Variants in ALDH1A2 observed in about 807,000 individuals in gnomAD.
ALDH1A2 encodes the protein retinal dehydrogenase 2.
Under a neutral mutation model 60.3 loss-of-function variants are expected in ALDH1A2, and 27 were observed. The ratio of observed to expected loss-of-function variants is 0.45; its 90% CI spans 0.33 to 0.62. The LOEUF is 0.62. Ranked by LOEUF, ALDH1A2 falls within the 20% of genes least tolerant of loss-of-function variation. The pLI, the probability that ALDH1A2 is intolerant of heterozygous loss-of-function variation, is 0.02. For synonymous variants in ALDH1A2, 289 were observed against 232.4 expected, an observed-to-expected ratio of 1.24 and a Z score of -2.21; for missense variants, 581 against 643.8, an observed-to-expected ratio of 0.90 and a Z score of 1.06.
At chr15:57,992,868 A>C in intron 6 of ALDH1A2, 50 bp from the exon 7 acceptor site, 1 of 1,613,804 alleles carries the variant, frequency 6.2e-7, no homozygotes, top group Non-Finnish European at 8.5e-7. Flanking sequence ...CTGATGCATC[A>C]TGTTAAATGA....
At chr15:58,044,859 A>C (rs1896599728) in intron 1 of ALDH1A2, among the ~76,000 whole-genome samples, 1 of 152,004 alleles carries the variant, frequency 6.6e-6, no homozygotes, top group Admixed American at 6.6e-5. Context: ...TGGCCAAGCT[A>C]ACTGATTTAG....
chr15:57,989,647 C>G (rs1029607576), intron 7 of ALDH1A2, among the ~76,000 whole-genome samples: 5 of 151,822 alleles, frequency 3.3e-5, no homozygotes, highest in Non-Finnish European at 7.4e-5. Context: ...ATTACTTTTG[C>G]TCCAACCTGT....
In ALDH1A2 at chr15:57,961,126, T is replaced by C. The variant is rs1893702962; in HGVS notation, c.1409+11A>G. 1 of 1,613,898 alleles carries C rather than the reference T, an allele frequency of 6.2e-7. No individual in the cohort carries two copies. The highest frequency in any genetic ancestry group is 8.5e-7 in the Non-Finnish European group (1 of 1,179,946). On this transcript the variant is annotated intron_variant, in intron 11 of 12. Coordinates refer to ENST00000249750, the MANE Select transcript of ALDH1A2 (RefSeq NM_003888.4). ...CAGTGGAATTTGTTACAAGACTGAC[T>C]CTGATCTTACCAAACAGTCCCAGCT...
At chr15:58,043,728 C>G (rs958151742) in intron 1 of ALDH1A2, among the ~76,000 whole-genome samples, 1 of 151,846 alleles carries the variant, frequency 6.6e-6, no homozygotes, top group East Asian at 1.9e-4. Context: ...TCCCTCCCTG[C>G]CAAAAAACGG....
intron 4 of ALDH1A2, among the ~76,000 whole-genome samples, chr15:58,005,978 G>T (rs1403276730): frequency 6.6e-6 from 1 of 151,694 alleles, no homozygotes; most frequent in Non-Finnish European, 1.5e-5. Flanking sequence ...AATAAGTACA[G>T]AGTGTTCTCA....
In ALDH1A2 at chr15:57,993,223, A is replaced by G. The variant is rs538863138; in HGVS notation, c.556-150T>C. On this transcript the variant is annotated intron_variant, in intron 5 of 12. Transcript: ENST00000249750. The stretch of plus-strand genomic sequence containing the variant: ...AGATGTTTGGATTTTCAATTACTTC[A>G]TTAAGAATAGAATAGCACTGACCTT... The G allele has an allele frequency of 3.6e-4, 355 of 992,518 alleles. 1 individual carries two copies. The Middle Eastern group carries it at 4.0e-3, about 11-fold the overall frequency. 61.5% of individuals were successfully genotyped at this position (992,518 alleles called of 1,614,324 possible).
rs1028187694 is a variant in ALDH1A2, at chr15:57,975,168, T to G, written c.799-9341A>C. 2.0e-5 allele frequency among the ~76,000 whole-genome samples: 3 copies of G among 152,218 alleles called. No individual in the cohort carries two copies. In the East Asian group the frequency reaches 5.8e-4, roughly 29 times the overall value. On this transcript the variant is annotated intron_variant, in intron 7 of 12. Coordinates refer to ENST00000249750, the MANE Select transcript of ALDH1A2 (RefSeq NM_003888.4). The stretch of plus-strand genomic sequence containing the variant: ...AAAACAGTTTGGCAGTTTCCTGCCC[T>G]ACCACACAATCCAGCCATTCCATTC...
At chr15:57,997,115 T>C (rs1252505743) in intron 4 of ALDH1A2, among the ~76,000 whole-genome samples, 1 of 152,058 alleles carries the variant, frequency 6.6e-6, no homozygotes, top group Non-Finnish European at 1.5e-5. Context: ...GAAATTAATT[T>C]AAAATATCTA....
intron 1 of ALDH1A2, 181 bp downstream of exon 1, chr15:58,065,353 C>T: frequency 1.5e-6 from 1 of 685,482 alleles, no homozygotes; most frequent in South Asian, 1.5e-5. Flanking sequence ...CAGACCACGG[C>T]GGGGCTTCAA....
chr15:58,010,058 T>C (rs560789103), intron 4 of ALDH1A2, among the ~76,000 whole-genome samples: 1 of 152,296 alleles, frequency 6.6e-6, no homozygotes, highest in Admixed American at 6.5e-5. Flanking sequence ...TTTTTTGTAT[T>C]GTTGATTCTG....
At chr15:58,023,400 T>C (rs74522619) in intron 1 of ALDH1A2, among the ~76,000 whole-genome samples, 14,972 of 152,194 alleles carry the variant, frequency 0.098, 802 homozygotes, top group Middle Eastern at 0.14. Flanking sequence ...AGATGAAAAC[T>C]TGCCAAGCCT....
At chr15:57,994,635 C>T (rs550422971) in intron 5 of ALDH1A2, among the ~76,000 whole-genome samples, 1 of 152,224 alleles carries the variant, frequency 6.6e-6, no homozygotes, top group Non-Finnish European at 1.5e-5. Flanking sequence ...AGTGCTGTGT[C>T]TTCTGTAGCA....
chr15:58,013,575 A>T (rs1407722636), intron 3 of ALDH1A2, among the ~76,000 whole-genome samples: 16 of 152,062 alleles, frequency 1.1e-4, no homozygotes, highest in Admixed American at 1.0e-3. Flanking sequence ...AACATAGTGA[A>T]ACCCCGTCTC....
At chr15:58,051,640 CT>C (rs1896781297) in intron 1 of ALDH1A2, among the ~76,000 whole-genome samples, 1 of 152,138 alleles carries the variant, frequency 6.6e-6, no homozygotes, top group African/African-American at 2.4e-5. Flanking sequence ...AGAATGTCAA[CT>C]TCATTTGCAG....
intron 1 of ALDH1A2, among the ~76,000 whole-genome samples, chr15:58,054,689 A>G (rs1475455626): frequency 6.6e-6 from 1 of 152,148 alleles, no homozygotes; most frequent in African/African-American, 2.4e-5. Context: ...ATTATCCTCA[A>G]TAGCCTCACA....
At chr15:58,009,345 C>T (rs146574530) in intron 4 of ALDH1A2, among the ~76,000 whole-genome samples, 1 of 152,058 alleles carries the variant, frequency 6.6e-6, no homozygotes, top group African/African-American at 2.4e-5. Context: ...TGAAAAAGAC[C>T]CTCAGTGATT....
chr15:58,021,293 T>C (rs570430304), intron 1 of ALDH1A2, among the ~76,000 whole-genome samples: 94 of 152,312 alleles, frequency 6.2e-4, no homozygotes, highest in Non-Finnish European at 1.2e-3. Context: ...GAACAGTATA[T>C]AGACAGTCAC....
intron 1 of ALDH1A2, among the ~76,000 whole-genome samples, chr15:58,052,642 G>T (rs1487444030): frequency 6.6e-6 from 1 of 151,978 alleles, no homozygotes; most frequent in Non-Finnish European, 1.5e-5. Flanking sequence ...GATAATAAAT[G>T]ATCAAGTTAT....
chr15:58,059,657 G>A (rs1896973167), intron 1 of ALDH1A2, among the ~76,000 whole-genome samples: 1 of 152,066 alleles, frequency 6.6e-6, no homozygotes, highest in African/African-American at 2.4e-5. Context: ...GCATATTCAT[G>A]CTATATTTTG....
Sources: allele counts gnomAD v4.1 joint callset (sites outside exome capture counted in the v4.1 genomes callset), GRCh38; gene constraint gnomAD v4.1.1; transcripts MANE v1.5; gene names NCBI Gene and HGNC (gene_info 2026-07-23, HGNC 2026-07-21).